The following MEF2C variants were observed in gnomAD, a reference collection of about 807,000 sequenced individuals.
MEF2C encodes the protein myocyte-specific enhancer factor 2C.
In MEF2C, 6 loss-of-function variants were observed where a neutral mutation model predicts 50.5. The ratio of observed to expected loss-of-function variants is 0.12; its 90% CI spans 0.07 to 0.23. MEF2C has a LOEUF of 0.23. Ranked by LOEUF, MEF2C falls within the 10% of genes least tolerant of loss-of-function variation. MEF2C has a pLI of 1.00. For missense variants in MEF2C, 276 were observed against 605.0 expected (o/e 0.46, Z 5.70); for synonymous variants, 183 against 228.0 (o/e 0.80, Z 1.78).
rs943423213 is a variant in MEF2C, at chr5:88,804,387, T to A, written c.258+211A>T. The A allele has an allele frequency of 5.7e-6, 3 of 523,968 alleles. No individual in the cohort carries two copies. In the East Asian group the frequency reaches 8.8e-5, roughly 15 times the overall value. The allele number at this position is 523,968 out of a possible 1,614,324, so 32.5% of individuals were successfully genotyped here. A position where few individuals can be genotyped will look rare whatever the true frequency, so the allele number is the denominator to read the frequency against. ...CTTGATTTCTAGCAAAGACCAGATC[T>A]TACATGGTCTCTATCATCACATCAC... is the stretch of plus-strand genomic sequence containing the variant. On this transcript the variant is annotated intron_variant, in intron 3 of 10. Coordinates refer to ENST00000504921, the MANE Select transcript of MEF2C (RefSeq NM_002397.5).
At chr5:88,752,178 G>A in intron 4 of MEF2C, 135 bp from the exon 5 acceptor site, 1 of 693,296 alleles carries the variant, frequency 1.4e-6, no homozygotes, top group Non-Finnish European at 2.3e-6. Flanking sequence ...CCATTAAGAA[G>A]AGCTCTCAAG....
At chr5:88,747,916 T>C in intron 6 of MEF2C, 1 of 350,848 alleles carries the variant, frequency 2.9e-6, no homozygotes, top group Non-Finnish European at 4.0e-6. Context: ...AAGTATTTTT[T>C]GAGGGAAAAA....
At chr5:88,780,719 T>A (rs1466283429) in intron 3 of MEF2C, 1 of 951,858 alleles carries the variant, frequency 1.1e-6, no homozygotes, top group Non-Finnish European at 1.3e-6. Flanking sequence ...GTTGACTGAC[T>A]AATACTTCAA....
rs577748508 is a variant in MEF2C, at chr5:88,748,708, G to A, written c.637+362C>T. 19 of 921,268 alleles carry A rather than the reference G, an allele frequency of 2.1e-5. No homozygotes were observed. The African/African-American group carries it at 2.1e-4, about 10-fold the overall frequency. The allele number at this position is 921,268 out of a possible 1,614,324, so 57.1% of individuals were successfully genotyped here. On this transcript the variant is annotated intron_variant, in intron 6 of 10. Transcript: ENST00000504921. ...ATAGAAGTTCAATACTTCTTTGGCT[G>A]GAAAATGATTCATATTTAATGTGAA...
chr5:88,783,525 C>T (rs1170339420), intron 3 of MEF2C, among the ~76,000 whole-genome samples: 1 of 151,954 alleles, frequency 6.6e-6, no homozygotes, highest in South Asian at 2.1e-4. Flanking sequence ...CCTAGCTACT[C>T]GGGAGGCTGA....
intron 6 of MEF2C, chr5:88,741,934 A>G: frequency 1.0e-6 from 1 of 985,194 alleles, no homozygotes. Flanking sequence ...GGTTCTTGGT[A>G]TAATACTTAA....
At chr5:88,841,020 G>T (rs1160090274) in intron 1 of MEF2C, among the ~76,000 whole-genome samples, 1 of 152,088 alleles carries the variant, frequency 6.6e-6, no homozygotes, top group Non-Finnish European at 1.5e-5. Context: ...ATAACACATG[G>T]ATTTCATGGC....
At position 88,862,167 on chromosome 5, in the gene MEF2C, G is replaced by A. The variant is rs190048881; in HGVS notation, c.-143+20788C>T. 3.5e-3 allele frequency among the ~76,000 whole-genome samples: 534 copies of A among 152,278 alleles called. 3 individuals carry two copies. Among genetic ancestry groups the A allele is most frequent in the Admixed American group, 6.7e-3 (102 of 15,300 alleles). Reference sequence around the variant, plus strand: ...TAACTGAGATCATTATCTAATCCCTGCTCTTTACATAAAACTTTATGTGGT... The same window carrying A: ...TAACTGAGATCATTATCTAATCCCTACTCTTTACATAAAACTTTATGTGGT... On this transcript the variant is annotated intron_variant, in intron 1 of 10. Coordinates refer to ENST00000504921, the MANE Select transcript of MEF2C (RefSeq NM_002397.5).
intron 1 of MEF2C, among the ~76,000 whole-genome samples, chr5:88,858,913 GT>G (rs1367942769): frequency 1.3e-5 from 2 of 152,192 alleles, no homozygotes; most frequent in African/African-American, 2.4e-5. Flanking sequence ...GTAGTGAGAC[GT>G]GTATTTTGAA....
chr5:88,852,403 G>A (rs1821701153), intron 1 of MEF2C, among the ~76,000 whole-genome samples: 1 of 152,178 alleles, frequency 6.6e-6, no homozygotes, highest in Non-Finnish European at 1.5e-5. Context: ...GCCCAAAAAA[G>A]ACCATTCAGA....
At chr5:88,752,712 T>C (rs1182514248) in intron 4 of MEF2C, 3 of 985,290 alleles carry the variant, frequency 3.0e-6, no homozygotes, top group South Asian at 4.7e-5. Flanking sequence ...TGTATCTCAA[T>C]TGTGAAAGTT....
chr5:88,760,967 C>T, intron 4 of MEF2C: 1 of 1,598,812 alleles, frequency 6.3e-7, no homozygotes, highest in Non-Finnish European at 8.5e-7. Context: ...AGCAGACCAG[C>T]CATCTACCTT....
chr5:88,722,815 G>C lies in MEF2C; in HGVS notation c.1211C>G (p.Thr404Ser), dbSNP rs1756812909. ...PVSPPRDRTT[T>S]PSRYPQHTRH... Reference sequence around the variant, plus strand: ...CGTGTGTTGTGGGTATCTCGAAGGGGTGGTGGTACGGTCTCTAGGAGGAGA... The same window carrying C: ...CGTGTGTTGTGGGTATCTCGAAGGGCTGGTGGTACGGTCTCTAGGAGGAGA... The change falls in exon 11 of 11, where the codon ACC becomes AGC. Residue 404 changes from threonine (T) to serine (S), a missense_variant. By Grantham distance (58) the Thr-to-Ser change is moderately conservative. Transcript: ENST00000504921. 6.2e-7 allele frequency: 1 copy of C among 1,613,916 alleles called. No homozygotes were observed. The highest frequency in any genetic ancestry group is 1.3e-5 in the African/African-American group (1 of 74,922).
intron 1 of MEF2C, among the ~76,000 whole-genome samples, chr5:88,879,939 T>A (rs191815153): frequency 2.8e-4 from 42 of 152,212 alleles, no homozygotes; most frequent in African/African-American, 9.1e-4. Flanking sequence ...TTTTGTAACG[T>A]GCATAGACTC....
In MEF2C at chr5:88,878,087, A is replaced by G. The variant is rs188860532; in HGVS notation, c.-143+4868T>C. 2.6e-4 allele frequency: 40 copies of G among 152,188 alleles called. 1 individual carries two copies. Among genetic ancestry groups the G allele is most frequent in the Admixed American group, 2.4e-3 (37 of 15,272 alleles). 9.4% of individuals were successfully genotyped at this position (152,188 alleles called of 1,614,324 possible). ...TGTCCAACAATTGTAATAGCACTGT[A>G]TTATTGACTAAATTAGAAAATCTTA... On this transcript the variant is annotated intron_variant, in intron 1 of 10. Coordinates refer to ENST00000504921, the MANE Select transcript of MEF2C (RefSeq NM_002397.5).
chr5:88,722,560 A>G lies in MEF2C; in HGVS notation c.*44T>C. On this transcript the variant is annotated 3_prime_UTR_variant, in exon 11 of 11. Transcript: ENST00000504921. Reference sequence around the variant, plus strand: ...TTCCCCATTAAGGTATAGCACACACACACACTGCAAGAAAAAAAAAAAAAC... The same window carrying G: ...TTCCCCATTAAGGTATAGCACACACGCACACTGCAAGAAAAAAAAAAAAAC... 1 of 1,532,286 alleles carries G rather than the reference A, an allele frequency of 6.5e-7. No individual in the cohort carries two copies. The highest frequency in any genetic ancestry group is 8.9e-7 in the Non-Finnish European group (1 of 1,128,578). The allele number at this position is 1,532,286 out of a possible 1,614,324, so 94.9% of individuals were successfully genotyped here. A position where few individuals can be genotyped will look rare whatever the true frequency, so the allele number is the denominator to read the frequency against.
intron 1 of MEF2C, 88 bp downstream of exon 1, chr5:88,882,867 A>G (rs2150127314): frequency 6.6e-6 from 1 of 152,290 alleles, no homozygotes; most frequent in Non-Finnish European, 1.5e-5. Context: ...AGGGATAGAT[A>G]GACACAGTGC....
At chr5:88,794,411 T>C (rs2152989530) in intron 3 of MEF2C, among the ~76,000 whole-genome samples, 1 of 152,348 alleles carries the variant, frequency 6.6e-6, no homozygotes, top group East Asian at 1.9e-4. Flanking sequence ...ATTAGCTTTT[T>C]TTCATATGCT....
intron 9 of MEF2C, 147 bp from the exon 10 acceptor site, chr5:88,728,775 A>C: frequency 1.8e-6 from 1 of 566,248 alleles, no homozygotes; most frequent in Non-Finnish European, 2.8e-6. Context: ...AGGGGAGATA[A>C]AGCATCAGCG....
Sources: gnomAD v4.1 joint callset for allele counts (sites outside exome capture counted in the v4.1 genomes callset) on GRCh38, gnomAD v4.1.1 for gene constraint, MANE v1.5 for transcripts, NCBI Gene and HGNC (gene_info 2026-07-23, HGNC 2026-07-21) for gene names.